The following SDHA variants were observed in gnomAD, a reference collection of about 807,000 sequenced individuals.
The protein encoded by SDHA is succinate dehydrogenase complex flavoprotein subunit A, also known as succinate dehydrogenase [ubiquinone] flavoprotein subunit, mitochondrial.
Under a neutral mutation model 78.4 loss-of-function variants are expected in SDHA, and 48 were observed. That is an observed-to-expected ratio of 0.61 (90% CI 0.49 to 0.78). The LOEUF is 0.78. SDHA is among the 30% of genes least tolerant of loss of function. The pLI, the probability that SDHA is intolerant of heterozygous loss-of-function variation, is 0.00. For synonymous variants in SDHA, 326 were observed against 353.9 expected, an observed-to-expected ratio of 0.92 and a Z score of 0.88; for missense variants, 680 against 892.7, an observed-to-expected ratio of 0.76 and a Z score of 3.04.
intron 7 of SDHA, 80 bp downstream of exon 7, chr5:231,080 C>T (rs1034733116): frequency 7.5e-5 from 114 of 1,513,008 alleles, no homozygotes; most frequent in Middle Eastern, 1.7e-4. Flanking sequence ...ATTGCTCTTC[C>T]ATAGTTTTAT....
intron 12 of SDHA, 70 bp downstream of exon 12, chr5:251,173 C>G: frequency 6.4e-7 from 1 of 1,559,596 alleles, no homozygotes; most frequent in Non-Finnish European, 8.8e-7. Context: ...GTGTCTGTCC[C>G]GTCAGTGCTG....
intron 11 of SDHA, among the ~76,000 whole-genome samples, chr5:246,931 ACTTG>A (rs1285893740): frequency 6.6e-6 from 1 of 152,050 alleles, no homozygotes; most frequent in Admixed American, 6.5e-5. Flanking sequence ...AAATAGTCTT[ACTTG>A]GCAAACCCAT....
At chr5:247,506 A>G (rs1007492645) in intron 11 of SDHA, among the ~76,000 whole-genome samples, 9 of 152,266 alleles carry the variant, frequency 5.9e-5, no homozygotes, top group African/African-American at 1.7e-4. Context: ...CAGATACAGC[A>G]GTACCCGGAA....
rs778483356 is a variant in SDHA at position 254,541 on chromosome 5, A to G, written c.1908+35A>G. The G allele has an allele frequency of 1.6e-5, 24 of 1,524,460 alleles. No individual in the cohort carries two copies. The East Asian group carries it at 5.9e-4, about 38-fold the overall frequency. The allele number at this position is 1,524,460 out of a possible 1,614,324, so 94.4% of individuals were successfully genotyped here. On this transcript the variant is annotated intron_variant, in intron 14 of 14. Transcript: ENST00000264932. Reference sequence around the variant, plus strand: ...GAGCTCGTTCTCACCACAGCCCAGCACCCACACGGCCCCGCCCAGGCCTGC... The same window carrying G: ...GAGCTCGTTCTCACCACAGCCCAGCGCCCACACGGCCCCGCCCAGGCCTGC...
chr5:225,195 A>G (rs1170548054), intron 3 of SDHA, among the ~76,000 whole-genome samples: 3 of 150,578 alleles, frequency 2.0e-5, no homozygotes, highest in Non-Finnish European at 4.4e-5. Context: ...CACCACGCAG[A>G]TGAGGAGACT....
chr5:263,037 T>A, the SDHA span, among the ~76,000 whole-genome samples: 1 of 152,138 alleles, frequency 6.6e-6, no homozygotes, highest in African/African-American at 2.4e-5. Flanking sequence ...CCTCCGGGGC[T>A]CCAGCAATCC....
chr5:255,097 A>AAGCACAG (rs1737099434), intron 14 of SDHA, among the ~76,000 whole-genome samples: 3 of 100,602 alleles, frequency 3.0e-5, no homozygotes, highest in African/African-American at 1.4e-4. Flanking sequence ...TTTTCCACAC[A>AAGCACAG]CGGTGAGCAG....
At chr5:220,171 A>G in intron 1 of SDHA, 2 of 337,442 alleles carry the variant, frequency 5.9e-6, no homozygotes, top group East Asian at 7.6e-5. Context: ...ATCATTCTGT[A>G]TTTACAACTG....
At chr5:267,714 G>T in the SDHA span, among the ~76,000 whole-genome samples, 12 of 152,240 alleles carry the variant, frequency 7.9e-5, 1 homozygote, top group African/African-American at 2.4e-5. Context: ...GAACCTTAAT[G>T]CAGGGAGGAA....
chr5:225,263 C>T (rs564872026), intron 3 of SDHA, among the ~76,000 whole-genome samples, 156 bp from the exon 4 acceptor site: 29 of 152,196 alleles, frequency 1.9e-4, no homozygotes, highest in African/African-American at 6.0e-4. Flanking sequence ...TGGAATCTGT[C>T]GGGTCTCGCT....
At chr5:258,526 A>G (rs1400618771), downstream of SDHA, among the ~76,000 whole-genome samples, 3 of 109,340 alleles carry the variant, frequency 2.7e-5, no homozygotes, top group Non-Finnish European at 5.0e-5. Context: ...CTGCCAGAGC[A>G]TTACTGTGAG....
chr5:231,235 C>T (rs143421480), intron 7 of SDHA, among the ~76,000 whole-genome samples: 1 of 152,232 alleles, frequency 6.6e-6, no homozygotes, highest in East Asian at 1.9e-4. Context: ...AGCGCTAAAC[C>T]CTGCCTTGGT....
chr5:223,491 G>C lies in SDHA; in HGVS notation c.73G>C (p.Val25Leu). The C allele has an allele frequency of 6.2e-7, 1 of 1,612,492 alleles. No homozygotes were observed. The highest frequency in any genetic ancestry group is 8.5e-7 in the Non-Finnish European group (1 of 1,178,506). ...RLALAKAWPTVLQTGTRGFHF... is the reference protein window; with the variant it reads ...RLALAKAWPTLLQTGTRGFHF... ...TCTTCTGTGTCTCCAGTGGCCAACA[G>C]TGTTGCAAACAGGAACCCGAGGTTT... The change falls in exon 2 of 15, where the codon GTG becomes CTG. Residue 25 changes from valine to leucine, a missense_variant. Coordinates refer to ENST00000264932, the MANE Select transcript of SDHA (RefSeq NM_004168.4).
chr5:228,422 G>A (rs1261054335), intron 6 of SDHA, 89 bp downstream of exon 6: 3 of 1,369,418 alleles, frequency 2.2e-6, no homozygotes, highest in Non-Finnish European at 3.1e-6. Flanking sequence ...TAGAGGCATT[G>A]TAGAATAACG....
chr5:245,888 A>G (rs1005055300), intron 11 of SDHA, among the ~76,000 whole-genome samples: 2 of 151,808 alleles, frequency 1.3e-5, no homozygotes, highest in African/African-American at 4.8e-5. Context: ...TCGGCTTCCT[A>G]CCTATGCCAT....
intron 10 of SDHA, among the ~76,000 whole-genome samples, chr5:239,560 C>CAA (rs58584596): frequency 3.4e-4 from 49 of 144,576 alleles, no homozygotes; most frequent in South Asian, 8.9e-4. Context: ...AATTCCATCT[C>CAA]AAAAAAAAAA....
At chr5:235,450 A>G (rs1451431815) in intron 9 of SDHA, 111 bp downstream of exon 9, 1 of 1,068,264 alleles carries the variant, frequency 9.4e-7, no homozygotes, top group Non-Finnish European at 1.4e-6. Flanking sequence ...TTCCTTCAAG[A>G]AAGTACTGTA....
At chr5:231,906 T>C (rs1735427024) in intron 7 of SDHA, among the ~76,000 whole-genome samples, 1 of 152,036 alleles carries the variant, frequency 6.6e-6, no homozygotes, top group African/African-American at 2.4e-5. Context: ...GAAGATGAGC[T>C]CGTCTTGGGG....
chr5:226,514 C>G (rs1359388433), intron 5 of SDHA, among the ~76,000 whole-genome samples: 1 of 152,136 alleles, frequency 6.6e-6, no homozygotes, highest in Non-Finnish European at 1.5e-5. Context: ...TGCTTGTAAT[C>G]CCAGTTACTC....
Sources: allele counts gnomAD v4.1 joint callset (sites outside exome capture counted in the v4.1 genomes callset), GRCh38; gene constraint gnomAD v4.1.1; transcripts MANE v1.5; gene names NCBI Gene and HGNC (gene_info 2026-07-23, HGNC 2026-07-21).